The following RNF19A variants were observed in gnomAD, a reference collection of about 807,000 sequenced individuals.
The protein encoded by RNF19A is ring finger protein 19A, RBR E3 ubiquitin protein ligase.
A neutral mutation model predicts 75.7 loss-of-function variants in RNF19A; 32 were observed. That is an observed-to-expected ratio of 0.42 (90% CI 0.32 to 0.57). The LOEUF is 0.57. Among genes scored for constraint, RNF19A ranks in the 20% least tolerant of loss-of-function variants. The pLI is 0.10. For missense variants in RNF19A, 782 were observed against 1,036.3 expected (o/e 0.75, Z 3.37); for synonymous variants, 335 against 345.2 (o/e 0.97, Z 0.33).
Position 100,269,035 on chromosome 8 carries a change from A to T in RNF19A, c.1029-88T>A, listed in dbSNP as rs1820130399. 2 of 1,091,058 alleles carry T rather than the reference A, an allele frequency of 1.8e-6. No homozygotes were observed. The highest frequency in any genetic ancestry group is 2.6e-5 in the South Asian group (1 of 38,630). 67.6% of individuals were successfully genotyped at this position (1,091,058 alleles called of 1,614,324 possible). A position where few individuals can be genotyped will look rare whatever the true frequency, so the allele number is the denominator to read the frequency against. On this transcript the variant is annotated intron_variant, in intron 4 of 9. Transcript: ENST00000341084. The surrounding 1 kb of genome is among the most constrained non-coding windows in gnomAD (Gnocchi z 5.7). ...CTATATTAAAACAATGACTATTTTT[A>T]AAAACTTCTCATAGTTAGGAGCTTT...
intron 1 of RNF19A, among the ~76,000 whole-genome samples, chr8:100,297,160 T>C (rs933214720): frequency 3.3e-5 from 5 of 152,236 alleles, no homozygotes; most frequent in Non-Finnish European, 7.3e-5. Context: ...AATAATCTAT[T>C]TAAAGTCTAT....
chr8:100,310,535 T>C (rs1822264540), upstream of RNF19A, among the ~76,000 whole-genome samples: 1 of 152,242 alleles, frequency 6.6e-6, no homozygotes, highest in African/African-American at 2.4e-5. Context: ...CTTTGTGTTC[T>C]CAGGGTTCAC....
chr8:100,259,824 C>T lies in RNF19A; in HGVS notation c.1826+30G>A. The T allele has an allele frequency of 2.5e-6, 4 of 1,569,630 alleles. No individual in the cohort carries two copies. Among genetic ancestry groups the T allele is most frequent in the Admixed American group, 1.8e-5 (1 of 55,820 alleles). ...AATTATTCCTTTAATTTAAAAAATACTTTCAATTTTTTAACAGTTTTTTCC... is the reference window on the plus strand; with the variant it reads ...AATTATTCCTTTAATTTAAAAAATATTTTCAATTTTTTAACAGTTTTTTCC... On this transcript the variant is annotated intron_variant, in intron 9 of 9. Coordinates refer to ENST00000341084, the MANE Select transcript of RNF19A (RefSeq NM_183419.4). The surrounding 1 kb of genome is among the most constrained non-coding windows in gnomAD (Gnocchi z 4.5).
rs1819707982 is a variant in RNF19A, at chr8:100,261,421, T to C, written c.1682+121A>G. The C allele has an allele frequency of 1.1e-6, 1 of 881,944 alleles. No homozygotes were observed. The allele number at this position is 881,944 out of a possible 1,614,324, so 54.6% of individuals were successfully genotyped here. A position where few individuals can be genotyped will look rare whatever the true frequency, so the allele number is the denominator to read the frequency against. On this transcript the variant is annotated intron_variant, in intron 8 of 9. Coordinates refer to ENST00000341084, the MANE Select transcript of RNF19A (RefSeq NM_183419.4). The surrounding 1 kb of genome is among the most constrained non-coding windows in gnomAD (Gnocchi z 4.4). ...CCCCAAATTTCATTTTTAACATTAC[T>C]ATTTTGAACCTTGACATAGTAGGGT...
At chr8:100,290,303 T>C (rs1184519301) in intron 1 of RNF19A, among the ~76,000 whole-genome samples, 1 of 152,184 alleles carries the variant, frequency 6.6e-6, no homozygotes, top group African/African-American at 2.4e-5. Flanking sequence ...GGTTTCACCA[T>C]GTTGGTCAGG....
chr8:100,335,876 C>T (rs999804895), intron 1 of RNF19A, among the ~76,000 whole-genome samples: 4 of 152,202 alleles, frequency 2.6e-5, no homozygotes, highest in South Asian at 2.1e-4. Flanking sequence ...CCCTCAGCCA[C>T]GGCTGATTGG....
chr8:100,263,988 T>G, intron 7 of RNF19A, 46 bp downstream of exon 7: 2 of 1,555,470 alleles, frequency 1.3e-6, no homozygotes, highest in Non-Finnish European at 1.8e-6. Flanking sequence ...CCCCACTACT[T>G]ACACTGTTAA....
At chr8:100,301,008 T>C (rs1333257873) in intron 1 of RNF19A, among the ~76,000 whole-genome samples, 1 of 152,250 alleles carries the variant, frequency 6.6e-6, no homozygotes, top group Non-Finnish European at 1.5e-5. Flanking sequence ...CTAGTGACTC[T>C]AGCATTCTAA....
intron 1 of RNF19A, among the ~76,000 whole-genome samples, chr8:100,304,009 T>C (rs1415891536): frequency 6.6e-6 from 1 of 152,102 alleles, no homozygotes; most frequent in Non-Finnish European, 1.5e-5. Context: ...CTGCCTGGAG[T>C]GCAATGTCGC....
chr8:100,258,663 T>G lies in RNF19A; in HGVS notation c.2410A>C (p.Ile804Leu), dbSNP rs1457343125. 6.2e-7 allele frequency: 1 copy of G among 1,614,172 alleles called. No individual in the cohort carries two copies. Among genetic ancestry groups the G allele is most frequent in the Non-Finnish European group, 8.5e-7 (1 of 1,179,986 alleles). ...AAATATAAATCAACATTAGGTTTTA[T>G]TCCATTGTTACCATGTTCTTCAGCA... ...HIAEEHGNNGIKPNVDLYFGD... is the reference protein window; with the variant it reads ...HIAEEHGNNGLKPNVDLYFGD... The change falls in exon 10 of 10, where the codon ATA (isoleucine) becomes CTA (leucine). Residue 804 changes from isoleucine (I) to leucine (L), a missense_variant. Ile to Leu is a conservative substitution (Grantham distance 5). Transcript: ENST00000341084. This position sits in a 1 kb window ranked among gnomAD's most constrained non-coding sequence, Gnocchi z 4.3.
At chr8:100,309,453 G>C in intron 1 of RNF19A, 1 of 985,460 alleles carries the variant, frequency 1.0e-6, no homozygotes, top group Non-Finnish European at 1.2e-6. Context: ...GCCTCCCCGC[G>C]GCAACCGCCC....
intron 2 of RNF19A, among the ~76,000 whole-genome samples, chr8:100,285,989 A>G (rs912359241): frequency 2.0e-5 from 3 of 152,136 alleles, no homozygotes; most frequent in Admixed American, 1.3e-4. Flanking sequence ...AGTTTTTTTA[A>G]AACTAAAATT....
In RNF19A at chr8:100,258,200, TTTC is replaced by T. The variant is rs1325022939; in HGVS notation, c.*353_*355del. ...ACCACTTATCCCTAAAGCCTCAAGT[TTTC>T]TTCATTTGAATGCTGTAGAATTGCA... On this transcript the variant is annotated 3_prime_UTR_variant, in exon 10 of 10. Transcript: ENST00000341084. The surrounding 1 kb of genome is among the most constrained non-coding windows in gnomAD (Gnocchi z 4.3). The T allele has an allele frequency of 2.4e-6, 1 of 409,050 alleles. No individual in the cohort carries two copies. Among genetic ancestry groups the T allele is most frequent in the African/African-American group, 2.1e-5 (1 of 48,760 alleles). The allele number at this position is 409,050 out of a possible 1,614,324, so 25.3% of individuals were successfully genotyped here. A position where few individuals can be genotyped will look rare whatever the true frequency, so the allele number is the denominator to read the frequency against.
At chr8:100,315,972 T>G (rs1407224095) in intron 1 of RNF19A, among the ~76,000 whole-genome samples, 3 of 152,216 alleles carry the variant, frequency 2.0e-5, no homozygotes, top group Admixed American at 6.5e-5. Context: ...GGTGGGTTCT[T>G]GGTCTCACTG....
chr8:100,258,778 A>AT lies in RNF19A; in HGVS notation c.2294dup (p.Asn765LysfsTer2). 1.2e-6 allele frequency: 2 copies of AT among 1,614,212 alleles called. No individual in the cohort carries two copies. Among genetic ancestry groups the AT allele is most frequent in the Non-Finnish European group, 1.7e-6 (2 of 1,180,040 alleles). On this transcript the variant is annotated frameshift_variant, in exon 10 of 10. Coordinates refer to ENST00000341084, the MANE Select transcript of RNF19A (RefSeq NM_183419.4). LOFTEE classifies it high-confidence loss of function. This position sits in a 1 kb window ranked among gnomAD's most constrained non-coding sequence, Gnocchi z 4.3. ...GATGTGGGGAATTTTCCAGACGGTC[A>AT]TTTTCTACCTCAGGAAGAATGTTAA...
chr8:100,310,625 G>A (rs1390894089), upstream of RNF19A, among the ~76,000 whole-genome samples: 1 of 152,232 alleles, frequency 6.6e-6, no homozygotes, highest in Non-Finnish European at 1.5e-5. Flanking sequence ...CCCAGAGGAC[G>A]GCAGCACCCT....
intron 1 of RNF19A, among the ~76,000 whole-genome samples, chr8:100,296,084 C>A (rs906895039): frequency 6.6e-6 from 1 of 152,124 alleles, no homozygotes; most frequent in Non-Finnish European, 1.5e-5. Flanking sequence ...ATTCTCTGGG[C>A]ATTATTCTTT....
chr8:100,335,778 G>A (rs2033920), intron 1 of RNF19A, among the ~76,000 whole-genome samples: 73,938 of 151,984 alleles, frequency 0.49, 20,888 homozygotes, highest in African/African-American at 0.79. Flanking sequence ...CTGTCCCTAG[G>A]TGCTTTCTAA....
Position 100,259,985 on chromosome 8 carries a change from T to C in RNF19A, c.1695A>G (p.Gln565=), listed in dbSNP as rs1472014799. ...MVNCFNRLEV[Q]ADVQKERYSL... Reference sequence around the variant, plus strand: ...TGTACCGTTCTTTCTGTACATCTGCTTGTACTTCCAACCTTAAAGGGGGGT... The same window carrying C: ...TGTACCGTTCTTTCTGTACATCTGCCTGTACTTCCAACCTTAAAGGGGGGT... The change falls in exon 9 of 10, where the codon CAA becomes CAG. Residue 565 remains glutamine, a synonymous_variant. Transcript: ENST00000341084. The surrounding 1 kb of genome is among the most constrained non-coding windows in gnomAD (Gnocchi z 4.5). 1.2e-6 allele frequency: 2 copies of C among 1,613,776 alleles called. No individual in the cohort carries two copies. Among genetic ancestry groups the C allele is most frequent in the African/African-American group, 2.7e-5 (2 of 75,018 alleles).
Sources: gnomAD v4.1 joint callset for allele counts (sites outside exome capture counted in the v4.1 genomes callset) on GRCh38, gnomAD v4.1.1 for gene constraint, Gnocchi (gnomAD v3.1) non-coding constraint, MANE v1.5 for transcripts, NCBI Gene and HGNC (gene_info 2026-07-23, HGNC 2026-07-21) for gene names.